PARD3B: variants seen among roughly 807,000 people sequenced by gnomAD.
PARD3B encodes par-3 family cell polarity regulator beta.
Under a neutral mutation model 130.2 loss-of-function variants are expected in PARD3B, and 103 were observed. That is an observed-to-expected ratio of 0.79 (90% CI 0.67 to 0.93). The LOEUF is 0.93. PARD3B is among the 40% of genes least tolerant of loss of function. PARD3B has a pLI of 0.00. For missense variants in PARD3B, 1,609 were observed against 1,499.2 expected, an observed-to-expected ratio of 1.07 and a Z score of -1.21; for synonymous variants, 583 against 553.2, an observed-to-expected ratio of 1.05 and a Z score of -0.76.
At chr2:205,511,411 G>C (rs909004121) in intron 21 of PARD3B, among the ~76,000 whole-genome samples, 1 of 152,126 alleles carries the variant, frequency 6.6e-6, no homozygotes, top group East Asian at 1.9e-4. Context: ...CTTTTAATGA[G>C]CAATTAATTC....
intron 1 of PARD3B, among the ~76,000 whole-genome samples, chr2:204,609,284 C>CTTTAA (rs1559182884): frequency 2.0e-5 from 3 of 152,128 alleles, no homozygotes; most frequent in Non-Finnish European, 2.9e-5. Context: ...AAAATGGCAT[C>CTTTAA]TCGGAAGGAT....
In PARD3B at chr2:205,461,159, G is replaced by A. The variant is rs1364635569; in HGVS notation, c.3044+20487G>A. Among the ~76,000 whole-genome samples, 1 of 152,176 alleles carries A rather than the reference G, an allele frequency of 6.6e-6. No homozygotes were observed. The highest frequency in any genetic ancestry group is 1.5e-5 in the Non-Finnish European group (1 of 68,036). On this transcript the variant is annotated intron_variant, in intron 20 of 22. Transcript: ENST00000406610. The surrounding 1 kb of genome is among the most constrained non-coding windows in gnomAD (Gnocchi z 4.3). ...TGTCATAAACATATTTGACACTGTGGAGGATCAAGAAAGAAGTCACTGAGA... is the reference window on the plus strand; with the variant it reads ...TGTCATAAACATATTTGACACTGTGAAGGATCAAGAAAGAAGTCACTGAGA...
chr2:204,868,403 A>G (rs1021113893), intron 2 of PARD3B, among the ~76,000 whole-genome samples: 12 of 152,214 alleles, frequency 7.9e-5, no homozygotes, highest in Admixed American at 2.6e-4. Flanking sequence ...ATATGTTCCC[A>G]GTACCCATAA....
At chr2:205,552,417 T>C (rs1220793128) in intron 21 of PARD3B, among the ~76,000 whole-genome samples, 1 of 152,130 alleles carries the variant, frequency 6.6e-6, no homozygotes, top group Non-Finnish European at 1.5e-5. Flanking sequence ...TTTATTTATT[T>C]ATTTATTTTG....
chr2:205,312,825 T>G (rs575025480), intron 18 of PARD3B, among the ~76,000 whole-genome samples: 4 of 152,332 alleles, frequency 2.6e-5, no homozygotes, highest in Non-Finnish European at 5.9e-5. Flanking sequence ...TTTTCCATTA[T>G]TACTATCACA....
intron 15 of PARD3B, among the ~76,000 whole-genome samples, chr2:205,222,163 A>G (rs962886346): frequency 1.5e-5 from 2 of 129,912 alleles, no homozygotes; most frequent in Admixed American, 8.7e-5. Context: ...TTAATGAACT[A>G]TTAGACCTTC....
chr2:204,754,412 C>T (rs901365317), intron 2 of PARD3B, among the ~76,000 whole-genome samples: 8 of 152,134 alleles, frequency 5.3e-5, no homozygotes, highest in African/African-American at 1.9e-4. Context: ...TGAGCACTGT[C>T]TGTCAATAGC....
At chr2:205,457,193 T>C (rs896689206) in intron 20 of PARD3B, among the ~76,000 whole-genome samples, 1 of 151,962 alleles carries the variant, frequency 6.6e-6, no homozygotes, top group Non-Finnish European at 1.5e-5. Context: ...TCAAATTATA[T>C]CATGTTGTAT....
chr2:205,208,569 C>T (rs1202841107), intron 15 of PARD3B, among the ~76,000 whole-genome samples: 2 of 144,272 alleles, frequency 1.4e-5, no homozygotes, highest in African/African-American at 2.7e-5. Context: ...TTCTTATACA[C>T]CAATAACAGA....
chr2:204,784,952 T>C (rs2041956634), intron 2 of PARD3B, among the ~76,000 whole-genome samples: 1 of 152,174 alleles, frequency 6.6e-6, no homozygotes, highest in African/African-American at 2.4e-5. Flanking sequence ...GTTCAGTCTA[T>C]GACCATGAAA....
At chr2:205,117,628 G>A (rs759865275) in intron 6 of PARD3B, among the ~76,000 whole-genome samples, 1 of 152,208 alleles carries the variant, frequency 6.6e-6, no homozygotes, top group Non-Finnish European at 1.5e-5. Flanking sequence ...AATTTAATGT[G>A]AAGGTATTTT....
chr2:205,586,174 C>T (rs569101241), intron 22 of PARD3B, among the ~76,000 whole-genome samples: 1 of 152,252 alleles, frequency 6.6e-6, no homozygotes, highest in South Asian at 2.1e-4. Context: ...TGATGATAGC[C>T]GCCTATTCTT....
chr2:205,408,046 C>T (rs1204661669), intron 19 of PARD3B, among the ~76,000 whole-genome samples: 1 of 152,092 alleles, frequency 6.6e-6, no homozygotes, highest in African/African-American at 2.4e-5. Context: ...CAACAACTAG[C>T]CTGAACGGAA....
chr2:205,046,844 T>TA (rs1350395013), intron 3 of PARD3B, among the ~76,000 whole-genome samples: 2 of 152,234 alleles, frequency 1.3e-5, no homozygotes, highest in Admixed American at 1.3e-4. Flanking sequence ...ATTTTAGGCC[T>TA]AATTGCAGTC....
chr2:205,356,425 C>G (rs2105863915), intron 18 of PARD3B, among the ~76,000 whole-genome samples: 1 of 152,062 alleles, frequency 6.6e-6, no homozygotes, highest in East Asian at 1.9e-4. Flanking sequence ...GATCATAGGT[C>G]ACAGTTATCT....
intron 1 of PARD3B, among the ~76,000 whole-genome samples, chr2:204,551,406 C>T (rs1401914165): frequency 6.6e-6 from 1 of 152,162 alleles, no homozygotes; most frequent in Non-Finnish European, 1.5e-5. Flanking sequence ...GCTTCCCTAA[C>T]AGTGAGGATA....
At position 205,238,852 on chromosome 2, in the gene PARD3B, AT is replaced by A. The variant is rs1559574827; in HGVS notation, c.2141-6925del. On this transcript the variant is annotated intron_variant, in intron 15 of 22. Coordinates refer to ENST00000406610, the MANE Select transcript of PARD3B (RefSeq NM_001302769.2). ...CTCCGTTTCAAAAAAAAAAAAAAAT[AT>A]ATATATATATATATATATATATATG... Among the ~76,000 whole-genome samples, 590 of 70,956 alleles carry A rather than the reference AT, an allele frequency of 8.3e-3. 25 individuals are homozygous for A. The highest frequency in any genetic ancestry group is 0.031 in the African/African-American group (482 of 15,594). The allele number at this position is 70,956 out of a possible 152,430, so 46.5% of individuals were successfully genotyped here.
intron 11 of PARD3B, among the ~76,000 whole-genome samples, chr2:205,171,552 C>T (rs2035174067): frequency 6.6e-6 from 1 of 152,240 alleles, no homozygotes; most frequent in Non-Finnish European, 1.5e-5. Context: ...AGTACTCATT[C>T]ATCAGAGCCT....
rs1017630991 is a variant in PARD3B, at chr2:205,146,677, G to A, written c.1435-12045G>A. Among the ~76,000 whole-genome samples the A allele has an allele frequency of 6.6e-6, 1 of 152,014 alleles. No individual in the cohort carries two copies. The highest frequency in any genetic ancestry group is 1.9e-4 in the East Asian group (1 of 5,154). ...AAAAAAAAAATTGTTACATCATATT[G>A]TTTGTTCCTGAATCTTATGTTCATA... On this transcript the variant is annotated intron_variant, in intron 10 of 22. Transcript: ENST00000406610. The surrounding 1 kb of genome is among the most constrained non-coding windows in gnomAD (Gnocchi z 4.3).
Sources: gnomAD v4.1 joint callset for allele counts (sites outside exome capture counted in the v4.1 genomes callset) on GRCh38, gnomAD v4.1.1 for gene constraint, Gnocchi (gnomAD v3.1) non-coding constraint, MANE v1.5 for transcripts, NCBI Gene and HGNC (gene_info 2026-07-23, HGNC 2026-07-21) for gene names.